Variants in PHLDB2 observed in about 807,000 individuals in gnomAD.
PHLDB2 encodes pleckstrin homology like domain family B member 2, also known as pleckstrin homology-like domain family B member 2.
In PHLDB2, 71 loss-of-function variants were observed where a neutral mutation model predicts 123.6. The ratio of observed to expected loss-of-function variants is 0.57; its 90% CI spans 0.47 to 0.70. The LOEUF (loss-of-function observed/expected upper bound fraction) is 0.70. Ranked by LOEUF, PHLDB2 falls within the 30% of genes least tolerant of loss-of-function variation. PHLDB2 has a pLI of 0.00. For missense variants in PHLDB2, 1,446 were observed against 1,519.5 expected (o/e 0.95, Z 0.80); for synonymous variants, 547 against 541.6 (o/e 1.01, Z -0.14).
At chr3:111,864,919 C>A (rs1237144812) in intron 1 of PHLDB2, among the ~76,000 whole-genome samples, 1 of 152,170 alleles carries the variant, frequency 6.6e-6, no homozygotes, top group Non-Finnish European at 1.5e-5. Context: ...GTTTTGTTTG[C>A]ACATTGCATG....
At chr3:111,943,815 A>T (rs1341458423) in intron 8 of PHLDB2, among the ~76,000 whole-genome samples, 1 of 152,208 alleles carries the variant, frequency 6.6e-6, no homozygotes, top group East Asian at 1.9e-4. Context: ...CCTTTCACAG[A>T]ACTTTATAGA....
At position 111,879,985 on chromosome 3, in the gene PHLDB2, CTT is replaced by C. The variant is rs33958199; in HGVS notation, c.-14-4059_-14-4058del. Among the ~76,000 whole-genome samples the C allele has an allele frequency of 3.2e-3, 347 of 108,208 alleles. 1 individual carries two copies. Among genetic ancestry groups the C allele is most frequent in the South Asian group, 0.023 (74 of 3,288 alleles). The allele number at this position is 108,208 out of a possible 152,430, so 71.0% of individuals were successfully genotyped here. A position where few individuals can be genotyped will look rare whatever the true frequency, so the allele number is the denominator to read the frequency against. On this transcript the variant is annotated intron_variant, in intron 1 of 17. Coordinates refer to ENST00000431670, the MANE Select transcript of PHLDB2 (RefSeq NM_001134438.2). ...TATCTTGAAACCCTTTACCCACTGC[CTT>C]TTTTTTTTTTTTTTTTTTTGGCCAT...
At chr3:111,825,201 G>C (rs2062597428) in intron 1 of PHLDB2, among the ~76,000 whole-genome samples, 1 of 152,132 alleles carries the variant, frequency 6.6e-6, no homozygotes, top group African/African-American at 2.4e-5. Context: ...TAGGACAATT[G>C]AGCAAACATA....
intron 1 of PHLDB2, among the ~76,000 whole-genome samples, chr3:111,820,133 A>G (rs996099095): frequency 6.6e-6 from 1 of 152,080 alleles, no homozygotes; most frequent in African/African-American, 2.4e-5. Flanking sequence ...CCTAACTACC[A>G]CATGTAGAAT....
At chr3:111,748,510 G>A (rs1322689682) in intron 1 of PHLDB2, among the ~76,000 whole-genome samples, 2 of 152,030 alleles carry the variant, frequency 1.3e-5, no homozygotes, top group African/African-American at 4.8e-5. Flanking sequence ...TCATGTCCCT[G>A]TTTATTGTCA....
intron 2 of PHLDB2, among the ~76,000 whole-genome samples, chr3:111,849,401 G>A (rs113165399): frequency 0.064 from 9,694 of 152,148 alleles, 426 homozygotes; most frequent in Non-Finnish European, 0.1. Context: ...AAACTCCTGG[G>A]CTCAAATGAT....
intron 1 of PHLDB2, among the ~76,000 whole-genome samples, chr3:111,822,731 A>G (rs1202473946): frequency 1.3e-5 from 2 of 152,114 alleles, no homozygotes; most frequent in Non-Finnish European, 2.9e-5. Context: ...TCTTATTCCA[A>G]TCTTACCTCC....
At chr3:111,737,498 A>G (rs1278105155) in intron 1 of PHLDB2, among the ~76,000 whole-genome samples, 1 of 152,160 alleles carries the variant, frequency 6.6e-6, no homozygotes, top group Non-Finnish European at 1.5e-5. Flanking sequence ...TCCAAGGTCA[A>G]GTTTCCCATG....
At chr3:111,953,757 C>T (rs1030650952) in intron 11 of PHLDB2, 173 bp from the exon 12 acceptor site, 12 of 506,714 alleles carry the variant, frequency 2.4e-5, no homozygotes, top group East Asian at 6.5e-5. Context: ...TGGAACTTCT[C>T]GGGAGGGCCA....
At chr3:111,866,584 C>T (rs2065093703) in intron 1 of PHLDB2, among the ~76,000 whole-genome samples, 1 of 152,110 alleles carries the variant, frequency 6.6e-6, no homozygotes, top group Non-Finnish European at 1.5e-5. Context: ...GAGTTTCCCT[C>T]CCATACACTC....
intron 16 of PHLDB2, 113 bp from the exon 17 acceptor site, chr3:111,973,618 CT>C (rs2072360286): frequency 3.4e-6 from 2 of 581,748 alleles, no homozygotes; most frequent in Admixed American, 3.5e-5. Flanking sequence ...CTGAATTAAT[CT>C]TAGATAAATT....
chr3:111,967,732 G>C lies in PHLDB2; in HGVS notation c.3223G>C (p.Glu1075Gln), dbSNP rs2071872174. Residue 1075 changes from glutamate to glutamine, a missense_variant, in exon 15 of 18, where the codon GAA (glutamate) becomes CAA (glutamine). By Grantham distance (29) the Glu-to-Gln change is conservative. Around this residue, in one of 3 missense-constraint regions of PHLDB2, gnomAD observed 594 missense variants for 646.0 expected, o/e 0.92. Transcript: ENST00000431670. ...RALEEEKRRR[E>Q]ILEKRLQEET... ...CCTGGAAGAAGAAAAACGACGCCGG[G>C]AAATCCTGGAAAAACGATTACAGGA... 6.2e-7 allele frequency: 1 copy of C among 1,612,820 alleles called. No homozygotes were observed.
intron 1 of PHLDB2, among the ~76,000 whole-genome samples, chr3:111,882,854 C>G (rs941554229): frequency 1.3e-5 from 2 of 152,152 alleles, no homozygotes; most frequent in Admixed American, 1.3e-4. Flanking sequence ...AGCTTATGTT[C>G]ATCAAGTTTT....
At chr3:111,906,234 A>G (rs2067525107) in intron 2 of PHLDB2, among the ~76,000 whole-genome samples, 1 of 152,248 alleles carries the variant, frequency 6.6e-6, no homozygotes, top group African/African-American at 2.4e-5. Flanking sequence ...CAAAAATGAA[A>G]TAGCCTAACC....
chr3:111,909,872 A>C (rs1227365185), intron 2 of PHLDB2, among the ~76,000 whole-genome samples: 1 of 152,218 alleles, frequency 6.6e-6, no homozygotes, highest in East Asian at 1.9e-4. Flanking sequence ...TACTGGTTAT[A>C]ACAAAAGGTT....
chr3:111,867,955 C>T (rs1048246199), intron 1 of PHLDB2, among the ~76,000 whole-genome samples: 2 of 151,732 alleles, frequency 1.3e-5, no homozygotes, highest in African/African-American at 2.4e-5. Context: ...CCTGCCTCGG[C>T]CTCCTAGAGT....
chr3:111,966,544 G>C (rs1490626769), intron 13 of PHLDB2, 69 bp from the exon 14 acceptor site: 6 of 912,562 alleles, frequency 6.6e-6, no homozygotes, highest in Non-Finnish European at 1.1e-5. Flanking sequence ...GTGTGTGTGT[G>C]TGTGTATGTA....
chr3:111,742,459 C>A (rs1468637380), intron 1 of PHLDB2, among the ~76,000 whole-genome samples: 1 of 152,056 alleles, frequency 6.6e-6, no homozygotes, highest in African/African-American at 2.4e-5. Context: ...ATCTCTCCCT[C>A]CTCCCCCCAC....
intron 1 of PHLDB2, among the ~76,000 whole-genome samples, chr3:111,755,937 T>A (rs1367655669): frequency 6.6e-6 from 1 of 151,408 alleles, no homozygotes; most frequent in Non-Finnish European, 1.5e-5. Context: ...AGCAGGTTGT[T>A]CAGTTTCCAT....
Sources: allele counts gnomAD v4.1 joint callset (sites outside exome capture counted in the v4.1 genomes callset), GRCh38; gene constraint gnomAD v4.1.1; regional missense constraint gnomAD v4.1.1; transcripts MANE v1.5; gene names NCBI Gene and HGNC (gene_info 2026-07-23, HGNC 2026-07-21).